Variants in SLC35F1 observed in about 807,000 individuals in gnomAD.
SLC35F1 encodes chromosome 6 open reading frame 169.
SLC35F1 carries 14 observed loss-of-function variants against 48.7 expected under a neutral mutation model. The ratio of observed to expected loss-of-function variants is 0.29; its 90% confidence interval spans 0.19 to 0.45. SLC35F1 has a LOEUF of 0.45. Among genes scored for constraint, SLC35F1 ranks in the 20% least tolerant of loss-of-function variants. The pLI, the probability that SLC35F1 is intolerant of heterozygous loss-of-function variation, is 1.00. For missense variants in SLC35F1, 404 were observed against 500.0 expected (o/e 0.81, Z 1.83); for synonymous variants, 190 against 202.2 (o/e 0.94, Z 0.51).
chr6:117,916,200 G>A (rs1775823947), intron 1 of SLC35F1, among the ~76,000 whole-genome samples: 1 of 152,208 alleles, frequency 6.6e-6, no homozygotes. Flanking sequence ...AACTGTAGCA[G>A]TTTGAGAGAG....
intron 1 of SLC35F1, among the ~76,000 whole-genome samples, chr6:118,069,530 G>A (rs1490844177): frequency 1.3e-5 from 2 of 152,050 alleles, no homozygotes; most frequent in Non-Finnish European, 2.9e-5. Context: ...CCCTAGGCTG[G>A]TAAGAGTTAT....
intron 1 of SLC35F1, among the ~76,000 whole-genome samples, chr6:118,061,538 C>A (rs575163837): frequency 6.6e-6 from 1 of 150,780 alleles, no homozygotes; most frequent in Admixed American, 6.6e-5. Flanking sequence ...TAGGTATAAA[C>A]ATAGACATAT....
intron 1 of SLC35F1, 61 bp downstream of exon 1, chr6:117,907,960 TC>T (rs1775714705): frequency 7.8e-7 from 1 of 1,275,326 alleles, no homozygotes; most frequent in Admixed American, 4.3e-5. Context: ...CGGCTCCGGG[TC>T]CCCTCCGTCC....
intron 1 of SLC35F1, among the ~76,000 whole-genome samples, chr6:118,001,204 T>A (rs963691535): frequency 3.9e-5 from 6 of 152,048 alleles, no homozygotes; most frequent in Non-Finnish European, 7.4e-5. Flanking sequence ...AAACTATACT[T>A]CAAGGCTACA....
intron 1 of SLC35F1, among the ~76,000 whole-genome samples, chr6:118,025,532 A>G (rs914874822): frequency 1.9e-4 from 29 of 152,264 alleles, no homozygotes; most frequent in African/African-American, 6.0e-4. Context: ...TGTACAGTCC[A>G]CAATTGAGTG....
intron 1 of SLC35F1, among the ~76,000 whole-genome samples, chr6:117,941,972 A>AT (rs1776238999): frequency 6.6e-6 from 1 of 152,230 alleles, no homozygotes; most frequent in Non-Finnish European, 1.5e-5. Context: ...TTATATTTGA[A>AT]TACATCTGTG....
chr6:118,173,223 T>G (rs963357744), intron 2 of SLC35F1, among the ~76,000 whole-genome samples: 11 of 151,990 alleles, frequency 7.2e-5, no homozygotes, highest in African/African-American at 2.7e-4. Flanking sequence ...CCTGATAAGC[T>G]GTAAAATTAC....
chr6:118,109,301 C>T (rs1257067810), intron 1 of SLC35F1, among the ~76,000 whole-genome samples: 1 of 152,168 alleles, frequency 6.6e-6, no homozygotes, highest in African/African-American at 2.4e-5. Flanking sequence ...CCATTGGCCA[C>T]AATCAAGGTG....
chr6:118,308,918 G>T (rs1010508435), intron 7 of SLC35F1, among the ~76,000 whole-genome samples: 8 of 152,138 alleles, frequency 5.3e-5, no homozygotes, highest in African/African-American at 1.4e-4. Flanking sequence ...GTCTTTTGAA[G>T]TTTAACAATA....
intron 1 of SLC35F1, among the ~76,000 whole-genome samples, chr6:118,093,574 C>T (rs1382964629): frequency 2.0e-5 from 3 of 152,154 alleles, no homozygotes; most frequent in Non-Finnish European, 4.4e-5. Flanking sequence ...CTTGCCTCCG[C>T]CATGTAAGGC....
intron 1 of SLC35F1, among the ~76,000 whole-genome samples, chr6:118,035,457 C>A (rs551926116): frequency 9.6e-5 from 11 of 114,088 alleles, no homozygotes; most frequent in South Asian, 3.3e-4. Flanking sequence ...AAAAAAAAAC[C>A]CAAAAAATTA....
chr6:117,998,638 A>C (rs1777037541), intron 1 of SLC35F1, among the ~76,000 whole-genome samples: 1 of 152,218 alleles, frequency 6.6e-6, no homozygotes, highest in Non-Finnish European at 1.5e-5. Flanking sequence ...AAACCACTCA[A>C]CTACATGGAA....
At chr6:117,987,578 G>A (rs1273434296) in intron 1 of SLC35F1, among the ~76,000 whole-genome samples, 1 of 152,082 alleles carries the variant, frequency 6.6e-6, no homozygotes, top group African/African-American at 2.4e-5. Context: ...ATTTGAGCTT[G>A]TTCCACTTTC....
intron 3 of SLC35F1, among the ~76,000 whole-genome samples, chr6:118,256,251 TG>T (rs1775644640): frequency 2.3e-5 from 3 of 133,262 alleles, no homozygotes; most frequent in African/African-American, 8.2e-5. Context: ...TGTGTGTGTG[TG>T]TGACTGAAGT....
At chr6:118,060,912 T>C (rs886551537) in intron 1 of SLC35F1, among the ~76,000 whole-genome samples, 1 of 152,320 alleles carries the variant, frequency 6.6e-6, no homozygotes, top group Admixed American at 6.5e-5. Flanking sequence ...AGCCACACAG[T>C]GTGGTCCTAA....
Position 117,907,815 on chromosome 6 carries a change from C to G in SLC35F1, c.89C>G (p.Pro30Arg). 2 of 1,550,170 alleles carry G rather than the reference C, an allele frequency of 1.3e-6. No homozygotes were observed. Among genetic ancestry groups the G allele is most frequent in the Admixed American group, 3.7e-5 (2 of 54,290 alleles). The change falls in exon 1 of 8, where the codon CCG (proline) becomes CGG (arginine). Residue 30 changes from proline to arginine, a missense_variant. Coordinates refer to ENST00000360388, the MANE Select transcript of SLC35F1 (RefSeq NM_001029858.4). ...GTGGTGACCACCATCGAGAACCTGC[C>G]GGCCGAGGGCAGCGGCGGCGGCGGG... ...NHVVTTIENL[P>R]AEGSGGGGSL... is the part of the protein sequence containing the mutation.
At chr6:118,056,078 A>G (rs1438509828) in intron 1 of SLC35F1, among the ~76,000 whole-genome samples, 1 of 152,224 alleles carries the variant, frequency 6.6e-6, no homozygotes, top group Non-Finnish European at 1.5e-5. Context: ...GAAATAGTCA[A>G]TCACTTATTT....
At chr6:118,006,013 A>AATTATAATTATAATTATAATTGT (rs2114872090) in intron 1 of SLC35F1, among the ~76,000 whole-genome samples, 1 of 152,316 alleles carries the variant, frequency 6.6e-6, no homozygotes, top group Admixed American at 6.5e-5. Context: ...ATAATTTTAC[A>AATTATAATTATAATTATAATTGT]ATTATAATTA....
At position 118,060,694 on chromosome 6, in the gene SLC35F1, T is replaced by C. The variant is rs9387549; in HGVS notation, c.174-93751T>C. On this transcript the variant is annotated intron_variant, in intron 1 of 7. Coordinates refer to ENST00000360388, the MANE Select transcript of SLC35F1 (RefSeq NM_001029858.4). ...ATTAAAAAACTAAATTTTTCTGAAA[T>C]AGGACACAACTCTGTATTATTTTTG... 5.6e-4 allele frequency among the ~76,000 whole-genome samples: 86 copies of C among 152,318 alleles called. 1 individual carries two copies. The East Asian group carries it at 0.013, about 23-fold the overall frequency.
Sources: allele counts gnomAD v4.1 joint callset (sites outside exome capture counted in the v4.1 genomes callset), GRCh38; gene constraint gnomAD v4.1.1; transcripts MANE v1.5; gene names NCBI Gene and HGNC (gene_info 2026-07-23, HGNC 2026-07-21).